Variants in CCDC33 observed in about 807,000 individuals in gnomAD.
The protein encoded by CCDC33 is coiled-coil domain-containing protein 33.
Under a neutral mutation model 91.9 loss-of-function variants are expected in CCDC33, and 94 were observed. The observed-to-expected ratio is 1.02, with a 90% CI of 0.87 to 1.21. CCDC33 has a LOEUF of 1.21. Ranked by LOEUF, CCDC33 falls within the 50% of genes most tolerant of loss-of-function variation. CCDC33 has a pLI of 0.00. For missense variants in CCDC33, 940 were observed against 935.5 expected (o/e 1.00, Z -0.06); for synonymous variants, 396 against 374.5 (o/e 1.06, Z -0.66).
In CCDC33 at chr15:74,250,403, A is replaced by C. The variant is rs62003682; in HGVS notation, c.185+6255A>C. Among the ~76,000 whole-genome samples the C allele has an allele frequency of 4.8e-3, 733 of 152,172 alleles. 1 individual carries two copies. The highest frequency in any genetic ancestry group is 8.0e-3 in the Non-Finnish European group (545 of 67,984). On this transcript the variant is annotated intron_variant, in intron 2 of 18. Coordinates refer to ENST00000398814, the MANE Select transcript of CCDC33 (RefSeq NM_025055.5). ...CCTCTCTTTGCTCCAGCCACACTGG[A>C]CATCTCTCCGTTCTCTGAGCAAACC...
intron 7 of CCDC33, among the ~76,000 whole-genome samples, chr15:74,273,869 T>C (rs1596000185): frequency 6.8e-6 from 1 of 146,714 alleles, no homozygotes; most frequent in African/African-American, 2.6e-5. Context: ...TTGCTCTTGT[T>C]GCCCAGGCTG....
At chr15:74,323,218 G>A (rs1342846612) in intron 11 of CCDC33, among the ~76,000 whole-genome samples, 1 of 151,952 alleles carries the variant, frequency 6.6e-6, no homozygotes, top group Admixed American at 6.6e-5. Context: ...CTTCCTCCAG[G>A]CCACACCAAG....
intron 2 of CCDC33, among the ~76,000 whole-genome samples, chr15:74,223,190 C>G (rs148562904): frequency 1.8e-4 from 27 of 152,302 alleles, no homozygotes; most frequent in Non-Finnish European, 3.2e-4. Flanking sequence ...CCCTCATCTT[C>G]TGAAGCCTCC....
chr15:74,304,948 T>C (rs1200703565), intron 11 of CCDC33, among the ~76,000 whole-genome samples: 1 of 111,356 alleles, frequency 9.0e-6, no homozygotes, highest in South Asian at 2.6e-4. Flanking sequence ...TTCTTCTTCT[T>C]CTTTTTTTTT....
chr15:74,271,855 G>A (rs2076327444), intron 6 of CCDC33, 61 bp downstream of exon 6: 2 of 1,434,742 alleles, frequency 1.4e-6, no homozygotes, highest in Non-Finnish European at 9.7e-7. Context: ...AGGAGGGGGT[G>A]AGGCTGTCAT....
Position 74,332,782 on chromosome 15 carries a change from G to A in CCDC33, c.1875G>A (p.Arg625=). 2 of 1,614,228 alleles carry A rather than the reference G, an allele frequency of 1.2e-6. No homozygotes were observed. Among genetic ancestry groups the A allele is most frequent in the Non-Finnish European group, 1.7e-6 (2 of 1,180,044 alleles). The change falls in exon 16 of 19, where the codon CGG becomes CGA. Residue 625 remains arginine, a synonymous_variant. Transcript: ENST00000398814. The part of the protein sequence containing the change: ...SVLLAENAKL[R]TELDKNRHQQ... Reference sequence around the variant, plus strand: ...TGCTGGCAGAAAACGCGAAGCTGCGGACGGAGCTGGATAAGAACCGCCACC... The same window carrying A: ...TGCTGGCAGAAAACGCGAAGCTGCGAACGGAGCTGGATAAGAACCGCCACC...
intron 10 of CCDC33, among the ~76,000 whole-genome samples, chr15:74,293,956 C>A (rs2059631888): frequency 6.6e-6 from 1 of 152,184 alleles, no homozygotes; most frequent in Admixed American, 6.5e-5. Flanking sequence ...TTCTGCACAG[C>A]AAATTTTATT....
chr15:74,306,062 T>C (rs576391710), intron 11 of CCDC33, among the ~76,000 whole-genome samples: 36 of 152,278 alleles, frequency 2.4e-4, no homozygotes, highest in Non-Finnish European at 4.9e-4. Context: ...ATGGGATCCC[T>C]CGAGACTGAG....
At chr15:74,259,831 G>A (rs903019494) in intron 2 of CCDC33, among the ~76,000 whole-genome samples, 1 of 152,164 alleles carries the variant, frequency 6.6e-6, no homozygotes. Flanking sequence ...ACCTTCATTT[G>A]TGTCTTCTCT....
upstream of CCDC33, among the ~76,000 whole-genome samples, chr15:74,232,905 C>T (rs2075027603): frequency 6.6e-6 from 1 of 152,184 alleles, no homozygotes; most frequent in Admixed American, 6.5e-5. Context: ...TGCATGTCTC[C>T]ACCAGCGCTT....
At position 74,333,146 on chromosome 15, in the gene CCDC33, A is replaced by G; in HGVS notation, c.1938+301A>G. 2.4e-6 allele frequency: 3 copies of G among 1,231,638 alleles called. No individual in the cohort carries two copies. The South Asian group carries it at 3.9e-5, about 16-fold the overall frequency. The allele number at this position is 1,231,638 out of a possible 1,614,324, so 76.3% of individuals were successfully genotyped here. A position where few individuals can be genotyped will look rare whatever the true frequency, so the allele number is the denominator to read the frequency against. Reference sequence around the variant, plus strand: ...TGGCTGGCCTCCACCTGGACCCTACACAGGCCTCTCAAAACTCCCTTCTGG... The same window carrying G: ...TGGCTGGCCTCCACCTGGACCCTACGCAGGCCTCTCAAAACTCCCTTCTGG... On this transcript the variant is annotated intron_variant, in intron 16 of 18. Transcript: ENST00000398814.
chr15:74,262,373 C>T, intron 2 of CCDC33, 67 bp from the exon 3 acceptor site: 1 of 1,591,906 alleles, frequency 6.3e-7, no homozygotes, highest in Non-Finnish European at 8.6e-7. Flanking sequence ...GACAGTGGAG[C>T]CTGGGATGGG....
chr15:74,222,856 G>A (rs75285939), intron 2 of CCDC33, among the ~76,000 whole-genome samples: 8 of 148,778 alleles, frequency 5.4e-5, no homozygotes, highest in Non-Finnish European at 8.9e-5. Flanking sequence ...CCAGGCCGGC[G>A]CTCTCCCAGC....
At chr15:74,247,371 TACACACACAC>T (rs57645886) in intron 2 of CCDC33, among the ~76,000 whole-genome samples, 3,515 of 148,504 alleles carry the variant, frequency 0.024, 117 homozygotes, top group East Asian at 0.14. Context: ...TATATATATA[TACACACACAC>T]ACACACACAC....
intron 11 of CCDC33, among the ~76,000 whole-genome samples, chr15:74,322,265 A>C (rs1170306811): frequency 6.6e-6 from 1 of 152,342 alleles, no homozygotes; most frequent in East Asian, 1.9e-4. Context: ...GCCACGGCAC[A>C]GCAGGTCTAA....
At chr15:74,274,731 T>C (rs1489207493) in intron 7 of CCDC33, among the ~76,000 whole-genome samples, 2 of 152,174 alleles carry the variant, frequency 1.3e-5, no homozygotes, top group African/African-American at 4.8e-5. Context: ...GTGTGCCCCC[T>C]CCCACCCCCA....
intron 11 of CCDC33, chr15:74,300,171 C>A (rs2059764732): frequency 6.6e-6 from 1 of 152,220 alleles, no homozygotes. Flanking sequence ...AATTACATAG[C>A]AATGGATGAA....
At chr15:74,229,761 G>A (rs1004531939) in intron 2 of CCDC33, among the ~76,000 whole-genome samples, 1 of 152,190 alleles carries the variant, frequency 6.6e-6, no homozygotes, top group Non-Finnish European at 1.5e-5. Flanking sequence ...TGACACAAAT[G>A]TCATCCCTCA....
In CCDC33 at chr15:74,316,124, C is replaced by T. The variant is rs1046629605; in HGVS notation, c.1291-14065C>T. ...AGGGGCAGGGGTGGGGGCTCTTGAG[C>T]ACCCGTTTTATAGATGAAATGCCTG... On this transcript the variant is annotated intron_variant, in intron 11 of 18. Coordinates refer to ENST00000398814, the MANE Select transcript of CCDC33 (RefSeq NM_025055.5). The surrounding 1 kb of genome is among the most constrained non-coding windows in gnomAD (Gnocchi z 4.7). Among the ~76,000 whole-genome samples, 4 of 152,158 alleles carry T rather than the reference C, an allele frequency of 2.6e-5. No homozygotes were observed. Among genetic ancestry groups the T allele is most frequent in the Non-Finnish European group, 5.9e-5 (4 of 68,012 alleles).
Sources: gnomAD v4.1 joint callset for allele counts (sites outside exome capture counted in the v4.1 genomes callset) on GRCh38, gnomAD v4.1.1 for gene constraint, Gnocchi (gnomAD v3.1) non-coding constraint, MANE v1.5 for transcripts, NCBI Gene and HGNC (gene_info 2026-07-23, HGNC 2026-07-21) for gene names.